The following ZSCAN1 variants were observed in gnomAD, a reference collection of about 807,000 sequenced individuals.
ZSCAN1 encodes zinc finger and SCAN domain-containing protein 1.
Under a neutral mutation model 23.8 loss-of-function variants are expected in ZSCAN1, and 23 were observed. That is an observed-to-expected ratio of 0.97 (90% CI 0.70 to 1.37). ZSCAN1 has a LOEUF of 1.37. Ranked by LOEUF, ZSCAN1 falls within the 40% of genes most tolerant of loss-of-function variation. The pLI, the probability that ZSCAN1 is intolerant of heterozygous loss-of-function variation, is 0.00. For synonymous variants in ZSCAN1, 236 were observed against 232.3 expected, an observed-to-expected ratio of 1.02 and a Z score of -0.15; for missense variants, 575 against 554.0, an observed-to-expected ratio of 1.04 and a Z score of -0.38.
At position 58,038,212 on chromosome 19, in the gene ZSCAN1, A is replaced by G; in HGVS notation, c.370+6A>G. 3.1e-6 allele frequency: 5 copies of G among 1,602,480 alleles called. No individual in the cohort carries two copies. Among genetic ancestry groups the G allele is most frequent in the Non-Finnish European group, 4.2e-6 (5 of 1,176,546 alleles). Reference sequence around the variant, plus strand: ...ACAGATGTGCCAGCAGGAAGGTGAGAGGCGCAGGCTTCCTGCCCCGGGCCG... The same window carrying G: ...ACAGATGTGCCAGCAGGAAGGTGAGGGGCGCAGGCTTCCTGCCCCGGGCCG... On this transcript the variant is annotated splice_donor_region_variant and intron_variant, in intron 3 of 5. Transcript: ENST00000282326.
intron 4 of ZSCAN1, chr19:58,044,604 T>A: frequency 9.7e-7 from 1 of 1,030,280 alleles, no homozygotes; most frequent in African/African-American, 1.6e-5. Flanking sequence ...TCCATCTTAA[T>A]GAGGAGCTGC....
chr19:58,034,979 C>T (rs148880501), intron 1 of ZSCAN1, among the ~76,000 whole-genome samples: 1,783 of 152,044 alleles, frequency 0.012, 16 homozygotes, highest in Middle Eastern at 0.054. Context: ...CATCCGGCAT[C>T]AGCGGCAAAG....
intron 4 of ZSCAN1, among the ~76,000 whole-genome samples, chr19:58,051,054 G>A (rs986744674): frequency 1.3e-5 from 2 of 152,178 alleles, no homozygotes; most frequent in Non-Finnish European, 2.9e-5. Flanking sequence ...CTTGGTTTCT[G>A]TGCCTGACCC....
At position 58,040,476 on chromosome 19, in the gene ZSCAN1, C is replaced by T. The variant is rs555114438; in HGVS notation, c.397C>T (p.Pro133Ser). 2 of 1,613,660 alleles carry T rather than the reference C, an allele frequency of 1.2e-6. No homozygotes were observed. Among genetic ancestry groups the T allele is most frequent in the African/African-American group, 1.3e-5 (1 of 75,028 alleles). ...EVLVSLDSVE[P>S]QDWSFGEEED... ...TCTGGTATCTCTGGACTCGGTCGAACCCCAGGACTGGAGTTTCGGTGAGGA... is the reference window on the plus strand; with the variant it reads ...TCTGGTATCTCTGGACTCGGTCGAATCCCAGGACTGGAGTTTCGGTGAGGA... The change falls in exon 4 of 6, where the codon CCC becomes TCC. Residue 133 changes from proline (P) to serine (S), a missense_variant. Coordinates refer to ENST00000282326, the MANE Select transcript of ZSCAN1 (RefSeq NM_182572.4). This position sits in a 1 kb window ranked among gnomAD's most constrained non-coding sequence, Gnocchi z 5.8.
At chr19:58,034,583 G>C (rs1443124019) in intron 1 of ZSCAN1, among the ~76,000 whole-genome samples, 3 of 151,348 alleles carry the variant, frequency 2.0e-5, no homozygotes, top group African/African-American at 7.3e-5. Context: ...TCTCCCTCCT[G>C]AACAGCCGCC....
chr19:58,051,451 T>G (rs984901043), intron 4 of ZSCAN1, among the ~76,000 whole-genome samples: 2 of 152,052 alleles, frequency 1.3e-5, no homozygotes. Context: ...TTAACTCCCT[T>G]CCTGCCATCA....
At chr19:58,046,868 T>C in intron 4 of ZSCAN1, 2 of 622,798 alleles carry the variant, frequency 3.2e-6, no homozygotes, top group Non-Finnish European at 5.8e-6. Context: ...TCTAATACTT[T>C]GGCTGGAATA....
At chr19:58,041,303 C>T (rs562272818) in intron 4 of ZSCAN1, among the ~76,000 whole-genome samples, 1 of 152,336 alleles carries the variant, frequency 6.6e-6, no homozygotes, top group East Asian at 1.9e-4. Flanking sequence ...GCTGTCAGGC[C>T]GGGGCCAGCA....
At chr19:58,042,933 C>A (rs984315191) in intron 4 of ZSCAN1, among the ~76,000 whole-genome samples, 5 of 152,282 alleles carry the variant, frequency 3.3e-5, no homozygotes, top group African/African-American at 1.2e-4. Flanking sequence ...GGTGCCCCAA[C>A]GTCCCTGAGC....
At chr19:58,052,926 G>GC (rs1317438159) in intron 5 of ZSCAN1, among the ~76,000 whole-genome samples, 1 of 151,822 alleles carries the variant, frequency 6.6e-6, no homozygotes, top group African/African-American at 2.4e-5. Context: ...AGGAACAAGG[G>GC]CCAGTGCTGT....
chr19:58,043,806 C>T (rs1442740367), intron 4 of ZSCAN1, among the ~76,000 whole-genome samples: 1 of 152,032 alleles, frequency 6.6e-6, no homozygotes, highest in African/African-American at 2.4e-5. Context: ...CACATTACCG[C>T]ACCGGCTAAT....
rs147897586 is a variant in ZSCAN1 at position 58,038,399 on chromosome 19, G to A, written c.370+193G>A. ...ATGTGCTGCACGCCTCATCTGCCTC[G>A]AATTTCTCACTCAGTCGGTGATTAA... On this transcript the variant is annotated intron_variant, in intron 3 of 5. Transcript: ENST00000282326. 4,337 of 705,356 alleles carry A rather than the reference G, an allele frequency of 6.1e-3. 33 individuals carry two copies. The highest frequency in any genetic ancestry group is 0.014 in the Middle Eastern group (56 of 4,128). The allele number at this position is 705,356 out of a possible 1,614,324, so 43.7% of individuals were successfully genotyped here.
At chr19:58,044,125 A>G (rs2073807844) in intron 4 of ZSCAN1, among the ~76,000 whole-genome samples, 1 of 151,932 alleles carries the variant, frequency 6.6e-6, no homozygotes, top group South Asian at 2.1e-4. Flanking sequence ...ACAAAAAAAT[A>G]GCTGGGCGTG....
rs1327052911 is a variant in ZSCAN1 at position 58,045,251 on chromosome 19, G to C, written c.465+4707G>C. 2 of 799,032 alleles carry C rather than the reference G, an allele frequency of 2.5e-6. No individual in the cohort carries two copies. The highest frequency in any genetic ancestry group is 1.7e-5 in the Admixed American group (1 of 58,672). 49.5% of individuals were successfully genotyped at this position (799,032 alleles called of 1,614,324 possible). ...TGTTCGTGGTGGTGCCGTTCGTGGAGTTTCTGCTGCCTGTTGCTGTGAAAC... is the reference window on the plus strand; with the variant it reads ...TGTTCGTGGTGGTGCCGTTCGTGGACTTTCTGCTGCCTGTTGCTGTGAAAC... On this transcript the variant is annotated intron_variant, in intron 4 of 5. Transcript: ENST00000282326. This position sits in a 1 kb window ranked among gnomAD's most constrained non-coding sequence, Gnocchi z 4.3.
At position 58,045,793 on chromosome 19, in the gene ZSCAN1, A is replaced by G; in HGVS notation, c.465+5249A>G. ...GCTGGACCTGCACCTGCATCAGGAG[A>G]TCCCCACATCGCTGCTCATCCTGTC... On this transcript the variant is annotated intron_variant, in intron 4 of 5. Transcript: ENST00000282326. The surrounding 1 kb of genome is among the most constrained non-coding windows in gnomAD (Gnocchi z 4.3). The G allele has an allele frequency of 1.9e-6, 3 of 1,560,934 alleles. No individual in the cohort carries two copies. Among genetic ancestry groups the G allele is most frequent in the African/African-American group, 2.7e-5 (2 of 73,968 alleles).
At chr19:58,055,947 A>T (rs188122659), downstream of ZSCAN1, among the ~76,000 whole-genome samples, 1 of 152,242 alleles carries the variant, frequency 6.6e-6, no homozygotes, top group East Asian at 1.9e-4. Context: ...AAAGAAAACA[A>T]CGCAAACTGC....
intron 4 of ZSCAN1, among the ~76,000 whole-genome samples, chr19:58,052,095 C>T (rs942232700): frequency 1.5e-4 from 23 of 152,222 alleles, no homozygotes; most frequent in Admixed American, 5.2e-4. Flanking sequence ...AACAGTGACC[C>T]GAGCTGTGGC....
chr19:58,038,903 G>A (rs1181144705), intron 3 of ZSCAN1, among the ~76,000 whole-genome samples: 2 of 152,220 alleles, frequency 1.3e-5, no homozygotes, highest in African/African-American at 4.8e-5. Context: ...GCCTCGGGAG[G>A]GCTTCCCCAG....
chr19:58,049,395 A>C lies in ZSCAN1; in HGVS notation c.466-3095A>C, dbSNP rs2073844876. 6.6e-6 allele frequency: 1 copy of C among 152,272 alleles called. No homozygotes were observed. The highest frequency in any genetic ancestry group is 1.5e-5 in the Non-Finnish European group (1 of 68,068). 9.4% of individuals were successfully genotyped at this position (152,272 alleles called of 1,614,324 possible). ...TGTACCATCATCCGGCAGATCTTGGATCCCTCTGCGATTTCCTCTGTATTG... is the reference window on the plus strand; with the variant it reads ...TGTACCATCATCCGGCAGATCTTGGCTCCCTCTGCGATTTCCTCTGTATTG... On this transcript the variant is annotated intron_variant, in intron 4 of 5. Transcript: ENST00000282326. This position sits in a 1 kb window ranked among gnomAD's most constrained non-coding sequence, Gnocchi z 4.5.
Sources: allele counts gnomAD v4.1 joint callset (sites outside exome capture counted in the v4.1 genomes callset), GRCh38; gene constraint gnomAD v4.1.1; non-coding constraint Gnocchi (gnomAD v3.1); transcripts MANE v1.5; gene names NCBI Gene and HGNC (gene_info 2026-07-23, HGNC 2026-07-21).